Variants in SNX7 observed in about 807,000 individuals in gnomAD.
SNX7 encodes the protein sorting nexin 7.
A neutral mutation model predicts 48.4 loss-of-function variants in SNX7; 35 were observed. The observed-to-expected ratio is 0.72, with a 90% CI of 0.55 to 0.96. The LOEUF is 0.96. Ranked by LOEUF, SNX7 falls within the 40% of genes least tolerant of loss-of-function variation. The probability of loss-of-function intolerance (pLI) is 0.00; values close to 1 mark genes in which losing one functional copy is unlikely to be tolerated. For missense variants in SNX7, 553 were observed against 548.9 expected (o/e 1.01, Z -0.07); for synonymous variants, 190 against 190.2 (o/e 1.00, Z 0.01).
At chr1:98,689,182 C>T (rs1185645422) in intron 2 of SNX7, among the ~76,000 whole-genome samples, 2 of 152,150 alleles carry the variant, frequency 1.3e-5, no homozygotes, top group Admixed American at 6.6e-5. Flanking sequence ...GGATTACAGG[C>T]GTGAGCCACT....
intron 8 of SNX7, among the ~76,000 whole-genome samples, chr1:98,739,249 G>A (rs9442151): frequency 0.29 from 43,703 of 151,910 alleles, 6,826 homozygotes; most frequent in Non-Finnish European, 0.34. Context: ...AGCTCAGGCA[G>A]TAATGCTCAC....
chr1:98,721,813 G>GA (rs1652888108), intron 7 of SNX7, among the ~76,000 whole-genome samples: 2 of 152,076 alleles, frequency 1.3e-5, no homozygotes, highest in Non-Finnish European at 2.9e-5. Context: ...ATATTTTGCA[G>GA]AAAAGTACAG....
intron 1 of SNX7, among the ~76,000 whole-genome samples, chr1:98,675,046 T>G (rs2100919915): frequency 6.6e-6 from 1 of 152,322 alleles, no homozygotes; most frequent in East Asian, 1.9e-4. Flanking sequence ...TAAATGACCC[T>G]AAGATAATGG....
intron 8 of SNX7, among the ~76,000 whole-genome samples, chr1:98,739,941 G>T (rs1653988857): frequency 6.6e-6 from 1 of 152,174 alleles, no homozygotes; most frequent in South Asian, 2.1e-4. Flanking sequence ...AGATTGCTCT[G>T]ACTGTACATG....
intron 1 of SNX7, among the ~76,000 whole-genome samples, chr1:98,671,326 TATCA>T (rs1649851602): frequency 1.3e-5 from 2 of 152,282 alleles, no homozygotes; most frequent in African/African-American, 2.4e-5. Flanking sequence ...GGATTGCATG[TATCA>T]ATCAAGCTGG....
chr1:98,716,457 A>C (rs892921798), intron 7 of SNX7, among the ~76,000 whole-genome samples: 1 of 152,118 alleles, frequency 6.6e-6, no homozygotes. Flanking sequence ...TTTAGAGCTG[A>C]GTTGTTCATG....
rs186292598 is a variant in SNX7 at position 98,722,124 on chromosome 1, G to A, written c.1126-16113G>A. 3.6e-3 allele frequency among the ~76,000 whole-genome samples: 553 copies of A among 152,172 alleles called. 5 individuals are homozygous for A. Among genetic ancestry groups the A allele is most frequent in the African/African-American group, 0.012 (516 of 41,522 alleles). ...GGTGTTGAAGGTGCTGGCTTGAAAC[G>A]TGATGCGTTAACTACATTTGTGGGT... is the stretch of plus-strand genomic sequence containing the variant. On this transcript the variant is annotated intron_variant, in intron 7 of 8. Transcript: ENST00000306121.
At chr1:98,687,283 G>T (rs1650857040) in intron 2 of SNX7, among the ~76,000 whole-genome samples, 1 of 152,066 alleles carries the variant, frequency 6.6e-6, no homozygotes, top group African/African-American at 2.4e-5. Flanking sequence ...TACTTTCATA[G>T]TATACATTTT....
At chr1:98,724,735 C>G (rs376244083) in intron 7 of SNX7, among the ~76,000 whole-genome samples, 140 of 152,102 alleles carry the variant, frequency 9.2e-4, no homozygotes, top group African/African-American at 3.3e-3. Context: ...GAAATTTCTC[C>G]CTAGATTGCT....
intron 6 of SNX7, among the ~76,000 whole-genome samples, chr1:98,700,570 G>T (rs1382138383): frequency 6.6e-6 from 1 of 151,050 alleles, no homozygotes; most frequent in East Asian, 1.9e-4. Context: ...TAAGAGACAT[G>T]GTCTCACTCT....
At chr1:98,731,454 T>A (rs1653510111) in intron 7 of SNX7, among the ~76,000 whole-genome samples, 1 of 152,182 alleles carries the variant, frequency 6.6e-6, no homozygotes, top group Non-Finnish European at 1.5e-5. Context: ...TTGCCGTCTT[T>A]GTCTTTGGAC....
At chr1:98,737,005 A>G (rs1421640244) in intron 7 of SNX7, among the ~76,000 whole-genome samples, 1 of 152,026 alleles carries the variant, frequency 6.6e-6, no homozygotes, top group African/African-American at 2.4e-5. Flanking sequence ...GAACCTTACC[A>G]TAGACTACAT....
intron 7 of SNX7, among the ~76,000 whole-genome samples, chr1:98,711,591 G>A (rs1570554410): frequency 6.6e-6 from 1 of 152,120 alleles, no homozygotes; most frequent in African/African-American, 2.4e-5. Flanking sequence ...AGTTAAAAAA[G>A]ATGTCATTGT....
intron 1 of SNX7, among the ~76,000 whole-genome samples, chr1:98,673,550 C>A (rs1474814785): frequency 1.3e-5 from 2 of 152,174 alleles, no homozygotes; most frequent in African/African-American, 2.4e-5. Context: ...AAAGTATAAG[C>A]TTCATGAGAG....
At chr1:98,671,624 A>G (rs1196755602) in intron 1 of SNX7, among the ~76,000 whole-genome samples, 3 of 152,134 alleles carry the variant, frequency 2.0e-5, no homozygotes, top group Non-Finnish European at 4.4e-5. Flanking sequence ...TACAACTATC[A>G]CTATAAACCA....
chr1:98,746,676 C>T (rs1366572148), intron 8 of SNX7, among the ~76,000 whole-genome samples: 1 of 152,110 alleles, frequency 6.6e-6, no homozygotes, highest in East Asian at 1.9e-4. Context: ...TTTAATTCAA[C>T]ATGGCTTAAA....
chr1:98,672,915 A>T (rs1649953162), intron 1 of SNX7, among the ~76,000 whole-genome samples: 1 of 122,362 alleles, frequency 8.2e-6, no homozygotes, highest in African/African-American at 3.2e-5. Context: ...TGGGCGACAG[A>T]GCGAGACTCC....
chr1:98,700,338 CA>C (rs1485258433), intron 6 of SNX7, among the ~76,000 whole-genome samples: 1 of 152,070 alleles, frequency 6.6e-6, no homozygotes, highest in Non-Finnish European at 1.5e-5. Context: ...TGTATTTGTG[CA>C]TATGAAAACC....
chr1:98,680,314 G>A (rs184514714), intron 1 of SNX7, among the ~76,000 whole-genome samples: 188 of 152,228 alleles, frequency 1.2e-3, no homozygotes, highest in African/African-American at 4.2e-3. Context: ...GGGACCCTGA[G>A]CCCAGCCCAC....
Sources: allele counts gnomAD v4.1 joint callset (sites outside exome capture counted in the v4.1 genomes callset), GRCh38; gene constraint gnomAD v4.1.1; transcripts MANE v1.5; gene names NCBI Gene and HGNC (gene_info 2026-07-23, HGNC 2026-07-21).